CLOCK: variants seen among roughly 807,000 people sequenced by gnomAD.
The protein encoded by CLOCK is circadian locomoter output cycles protein kaput.
In CLOCK, 43 loss-of-function variants were observed where a neutral mutation model predicts 118.4. The observed-to-expected ratio is 0.36, with a 90% CI of 0.28 to 0.47. The LOEUF is 0.47. Among genes scored for constraint, CLOCK ranks in the 20% least tolerant of loss-of-function variants. CLOCK has a pLI of 1.00. For synonymous variants in CLOCK, 326 were observed against 339.2 expected, an observed-to-expected ratio of 0.96 and a Z score of 0.43; for missense variants, 846 against 999.9, an observed-to-expected ratio of 0.85 and a Z score of 2.08.
chr4:55,454,143 C>A (rs985541829), intron 13 of CLOCK, among the ~76,000 whole-genome samples: 1 of 152,130 alleles, frequency 6.6e-6, no homozygotes, highest in Non-Finnish European at 1.5e-5. Context: ...TAAATAATCA[C>A]CCCTGAGTTT....
Position 55,536,022 on chromosome 4 carries a change from T to G in CLOCK, c.-290+10760A>C, listed in dbSNP as rs572862248. On this transcript the variant is annotated intron_variant, in intron 1 of 22. Coordinates refer to ENST00000513440, the MANE Select transcript of CLOCK (RefSeq NM_004898.4). Reference sequence around the variant, plus strand: ...TCACACAGGGCTGGAATAACAACACTAGGAGACTAATTCTCCTAAAAAGTT... The same window carrying G: ...TCACACAGGGCTGGAATAACAACACGAGGAGACTAATTCTCCTAAAAAGTT... 2.0e-5 allele frequency among the ~76,000 whole-genome samples: 3 copies of G among 152,202 alleles called. No individual in the cohort carries two copies. The South Asian group carries it at 6.2e-4, about 32-fold the overall frequency.
chr4:55,520,839 A>G (rs76977585), intron 1 of CLOCK, among the ~76,000 whole-genome samples: 9 of 152,138 alleles, frequency 5.9e-5, no homozygotes, highest in Non-Finnish European at 1.2e-4. Context: ...CCCTTGCTTT[A>G]TATCAGAAGA....
chr4:55,513,516 A>G (rs1183962914), intron 1 of CLOCK, among the ~76,000 whole-genome samples: 5 of 152,094 alleles, frequency 3.3e-5, no homozygotes, highest in Non-Finnish European at 7.4e-5. Context: ...ATATTTGTCT[A>G]TGCTTTCACC....
intron 16 of CLOCK, among the ~76,000 whole-genome samples, 174 bp downstream of exon 16, chr4:55,449,917 A>G (rs1325782510): frequency 6.6e-6 from 1 of 152,200 alleles, no homozygotes; most frequent in African/African-American, 2.4e-5. Flanking sequence ...GAAGAACTTA[A>G]TTCTTTGCTG....
At chr4:55,503,978 T>C (rs1431928062) in intron 2 of CLOCK, among the ~76,000 whole-genome samples, 1 of 71,130 alleles carries the variant, frequency 1.4e-5, no homozygotes, top group Admixed American at 2.3e-4. Flanking sequence ...CAAAAAGAGG[T>C]AAAAAAAAAA....
chr4:55,428,361 G>A lies in CLOCK; in HGVS notation c.*7054C>T, dbSNP rs1304010041. On this transcript the variant is annotated 3_prime_UTR_variant, in exon 23 of 23. Transcript: ENST00000513440. ...GGCAATATTAAATCGGTAACAAAAC[G>A]ATCCACATTTTATACAATATTGTAT... is the stretch of plus-strand genomic sequence containing the variant. The A allele has an allele frequency of 6.6e-6, 1 of 152,096 alleles. No individual in the cohort carries two copies. Among genetic ancestry groups the A allele is most frequent in the East Asian group, 1.9e-4 (1 of 5,186 alleles). The allele number at this position is 152,096 out of a possible 1,614,324, so 9.4% of individuals were successfully genotyped here. A position where few individuals can be genotyped will look rare whatever the true frequency, so the allele number is the denominator to read the frequency against.
At chr4:55,452,991 T>A in intron 15 of CLOCK, 63 bp downstream of exon 15, 1 of 1,142,858 alleles carries the variant, frequency 8.7e-7, no homozygotes, top group South Asian at 1.4e-5. Context: ...CTATTAATTA[T>A]TGAGTTTCAT....
At chr4:55,437,960 G>A (rs1274479801) in intron 22 of CLOCK, among the ~76,000 whole-genome samples, 2 of 152,196 alleles carry the variant, frequency 1.3e-5, no homozygotes, top group African/African-American at 4.8e-5. Context: ...CTAGAAAAAG[G>A]AGGAAAGAGG....
rs1723070642 is a variant in CLOCK at position 55,438,443 on chromosome 4, C to T, written c.2200G>A (p.Val734Met). ...MVPSTMLMGQ[V>M]VTAYPTFATQ... is the part of the protein sequence containing the mutation. ...GCAAAAGTAGGATATGCAGTCACCA[C>T]CTGGCCCATAAGCATAGTACTAGGT... The change falls in exon 22 of 23, where the codon GTG becomes ATG. Residue 734 changes from valine to methionine, a missense_variant. Coordinates refer to ENST00000513440, the MANE Select transcript of CLOCK (RefSeq NM_004898.4). 6 of 1,613,908 alleles carry T rather than the reference C, an allele frequency of 3.7e-6. No individual in the cohort carries two copies. Among genetic ancestry groups the T allele is most frequent in the Non-Finnish European group, 5.1e-6 (6 of 1,180,018 alleles).
intron 3 of CLOCK, among the ~76,000 whole-genome samples, chr4:55,488,477 G>C (rs886462464): frequency 1.3e-5 from 2 of 152,094 alleles, no homozygotes; most frequent in African/African-American, 4.8e-5. Context: ...CTGTAAATTT[G>C]CTTCTCTCCC....
At chr4:55,529,325 A>G (rs1181954004) in intron 1 of CLOCK, among the ~76,000 whole-genome samples, 1 of 152,054 alleles carries the variant, frequency 6.6e-6, no homozygotes, top group East Asian at 1.9e-4. Context: ...TGCTCAACTA[A>G]TATTTTAATT....
At chr4:55,499,890 C>G (rs1560460359) in intron 2 of CLOCK, among the ~76,000 whole-genome samples, 1 of 152,162 alleles carries the variant, frequency 6.6e-6, no homozygotes, top group South Asian at 2.1e-4. Context: ...TCCCCCCAAA[C>G]TAGGTGTCTT....
chr4:55,452,647 TTC>T (rs1724569565), intron 15 of CLOCK: 1 of 187,006 alleles, frequency 5.3e-6, no homozygotes, highest in Non-Finnish European at 1.1e-5. Flanking sequence ...AGAGTTCCAA[TTC>T]TGACTATAAT....
At chr4:55,435,660 C>G in intron 22 of CLOCK, 66 bp from the exon 23 acceptor site, 1 of 1,501,720 alleles carries the variant, frequency 6.7e-7, no homozygotes, top group South Asian at 1.1e-5. Context: ...AATAGTTACT[C>G]ACACTCTCCC....
intron 17 of CLOCK, 77 bp downstream of exon 17, chr4:55,449,319 T>C (rs941491590): frequency 4.6e-6 from 6 of 1,302,414 alleles, no homozygotes; most frequent in Non-Finnish European, 6.7e-6. Flanking sequence ...GACAAATAGA[T>C]GAATTTCTGA....
At position 55,546,859 on chromosome 4, in the gene CLOCK, C is replaced by A. The variant is rs1731674007; in HGVS notation, c.-367G>T. 6.6e-6 allele frequency: 1 copy of A among 152,142 alleles called. No individual in the cohort carries two copies. Among genetic ancestry groups the A allele is most frequent in the South Asian group, 2.1e-4 (1 of 4,832 alleles). 9.4% of individuals were successfully genotyped at this position (152,142 alleles called of 1,614,324 possible). On this transcript the variant is annotated 5_prime_UTR_variant, in exon 1 of 23. Coordinates refer to ENST00000513440, the MANE Select transcript of CLOCK (RefSeq NM_004898.4). Reference sequence around the variant, plus strand: ...GGGGTTTCCTTTTTTAAACCGGCAGCCGCAAGCCGAGTCCGTGATTGCGCC... The same window carrying A: ...GGGGTTTCCTTTTTTAAACCGGCAGACGCAAGCCGAGTCCGTGATTGCGCC...
intron 1 of CLOCK, among the ~76,000 whole-genome samples, chr4:55,542,108 A>C (rs1185376405): frequency 6.6e-6 from 1 of 151,956 alleles, no homozygotes; most frequent in East Asian, 1.9e-4. Context: ...TGGGAGGCCG[A>C]GGTGGGCGGA....
chr4:55,538,163 A>G (rs960189305), intron 1 of CLOCK, among the ~76,000 whole-genome samples: 2 of 152,208 alleles, frequency 1.3e-5, no homozygotes, highest in Admixed American at 6.5e-5. Flanking sequence ...AAGAACAATA[A>G]TAGAGTATTA....
chr4:55,515,350 A>C (rs965159104), intron 1 of CLOCK, among the ~76,000 whole-genome samples: 2 of 151,772 alleles, frequency 1.3e-5, no homozygotes, highest in Non-Finnish European at 2.9e-5. Context: ...GATTTTCTCT[A>C]TGATTTCTTA....
Sources: allele counts gnomAD v4.1 joint callset (sites outside exome capture counted in the v4.1 genomes callset), GRCh38; gene constraint gnomAD v4.1.1; transcripts MANE v1.5; gene names NCBI Gene and HGNC (gene_info 2026-07-23, HGNC 2026-07-21).